The following CLSTN2 variants were observed in gnomAD, a reference collection of about 807,000 sequenced individuals.
CLSTN2 encodes calsyntenin 2.
CLSTN2 carries 48 observed loss-of-function variants against 101.2 expected under a neutral mutation model. The observed-to-expected ratio is 0.47, with a 90% confidence interval of 0.38 to 0.60. The LOEUF (loss-of-function observed/expected upper bound fraction) is 0.60, where lower values mean the gene tolerates loss of function less well. Among genes scored for constraint, CLSTN2 ranks in the 20% least tolerant of loss-of-function variants. The pLI is 0.00. For synonymous variants in CLSTN2, 481 were observed against 463.6 expected, an observed-to-expected ratio of 1.04 and a Z score of -0.48; for missense variants, 1,160 against 1,238.2, an observed-to-expected ratio of 0.94 and a Z score of 0.95.
chr3:139,973,351 G>C (rs1935749397), intron 1 of CLSTN2, among the ~76,000 whole-genome samples: 1 of 152,254 alleles, frequency 6.6e-6, no homozygotes. Context: ...AGGCTTGTTA[G>C]TGACTGGCTC....
intron 8 of CLSTN2, among the ~76,000 whole-genome samples, chr3:140,484,098 T>C (rs1576592792): frequency 6.6e-6 from 1 of 152,252 alleles, no homozygotes; most frequent in Non-Finnish European, 1.5e-5. Flanking sequence ...CAGTGGCTGG[T>C]ACCAGTTGTT....
chr3:139,942,572 G>A (rs971276768), intron 1 of CLSTN2, among the ~76,000 whole-genome samples: 4 of 152,158 alleles, frequency 2.6e-5, no homozygotes, highest in Non-Finnish European at 4.4e-5. Context: ...TGGCAAGGGC[G>A]GGAGGAGATC....
chr3:140,333,714 G>GTGTA (rs527473445), intron 2 of CLSTN2, among the ~76,000 whole-genome samples: 1 of 145,022 alleles, frequency 6.9e-6, no homozygotes, highest in Non-Finnish European at 1.5e-5. Flanking sequence ...GTGTGTGTGT[G>GTGTA]TATCTGAATT....
chr3:140,059,093 G>A (rs553635973), intron 1 of CLSTN2, among the ~76,000 whole-genome samples: 1 of 152,370 alleles, frequency 6.6e-6, no homozygotes, highest in Admixed American at 6.5e-5. Flanking sequence ...CTGGGTTCAA[G>A]CCCCAGTTCC....
At chr3:140,309,594 G>T (rs572285339) in intron 2 of CLSTN2, among the ~76,000 whole-genome samples, 2 of 152,244 alleles carry the variant, frequency 1.3e-5, no homozygotes, top group African/African-American at 4.8e-5. Flanking sequence ...GGTAGGACCT[G>T]TGGATTCCAG....
chr3:140,418,470 T>C (rs1576556382), intron 4 of CLSTN2, among the ~76,000 whole-genome samples: 2 of 151,812 alleles, frequency 1.3e-5, no homozygotes, highest in East Asian at 3.9e-4. Flanking sequence ...CCAGAGAAGA[T>C]AGCAGAATAG....
At chr3:140,043,705 G>A (rs2007808328) in intron 1 of CLSTN2, among the ~76,000 whole-genome samples, 1 of 152,112 alleles carries the variant, frequency 6.6e-6, no homozygotes. Flanking sequence ...TTTTATATAA[G>A]GTGTAAGGAA....
At chr3:140,387,321 T>C (rs368597133) in intron 2 of CLSTN2, among the ~76,000 whole-genome samples, 1 of 152,180 alleles carries the variant, frequency 6.6e-6, no homozygotes, top group Non-Finnish European at 1.5e-5. Context: ...TTCTGGTAGC[T>C]ATAAGAGAGA....
chr3:140,106,676 C>T (rs1057482309), intron 1 of CLSTN2, among the ~76,000 whole-genome samples: 2 of 152,160 alleles, frequency 1.3e-5, no homozygotes, highest in Admixed American at 6.5e-5. Context: ...CCATTCCAGG[C>T]TGGACAGTAT....
chr3:140,079,401 TAGAA>T (rs1471255984), intron 1 of CLSTN2, among the ~76,000 whole-genome samples: 3 of 152,164 alleles, frequency 2.0e-5, no homozygotes, highest in Non-Finnish European at 4.4e-5. Flanking sequence ...TGACAATCTC[TAGAA>T]ATACTCAAGC....
At chr3:140,509,810 G>A (rs927630696) in intron 8 of CLSTN2, among the ~76,000 whole-genome samples, 6 of 152,150 alleles carry the variant, frequency 3.9e-5, no homozygotes, top group African/African-American at 1.2e-4. Context: ...GGGGCTTTGT[G>A]GAATTTGCAA....
intron 1 of CLSTN2, among the ~76,000 whole-genome samples, chr3:140,085,681 A>G (rs764116736): frequency 2.0e-5 from 3 of 151,852 alleles, no homozygotes; most frequent in Non-Finnish European, 4.4e-5. Flanking sequence ...GGCCTGCTCT[A>G]CCTCCTCTGC....
chr3:140,548,937 G>C, intron 10 of CLSTN2, among the ~76,000 whole-genome samples: 1 of 150,388 alleles, frequency 6.6e-6, no homozygotes, highest in East Asian at 1.9e-4. Flanking sequence ...AGGCAAGATT[G>C]ACTTTCCAAA....
At chr3:140,326,814 A>G (rs868305668) in intron 2 of CLSTN2, among the ~76,000 whole-genome samples, 2 of 152,312 alleles carry the variant, frequency 1.3e-5, no homozygotes, top group Middle Eastern at 3.4e-3. Context: ...GACCTGTGTA[A>G]TTCGGTGTGA....
rs186356433 is a variant in CLSTN2 at position 140,071,381 on chromosome 3, G to C, written c.110-104570G>C. 1.2e-4 allele frequency among the ~76,000 whole-genome samples: 18 copies of C among 152,128 alleles called. 1 individual carries two copies. The highest frequency in any genetic ancestry group is 7.2e-4 in the Admixed American group (11 of 15,268). ...AATCCTGTTCAATACCTTTACTTTA[G>C]AGAAGCCAACAGAGACATGAAAAAC... On this transcript the variant is annotated intron_variant, in intron 1 of 16. Coordinates refer to ENST00000458420, the MANE Select transcript of CLSTN2 (RefSeq NM_022131.3).
chr3:140,312,326 G>A (rs1044930875), intron 2 of CLSTN2, among the ~76,000 whole-genome samples: 3 of 152,244 alleles, frequency 2.0e-5, no homozygotes, highest in Admixed American at 6.5e-5. Context: ...CTGATGGCTG[G>A]TTTGAAGAGC....
intron 1 of CLSTN2, among the ~76,000 whole-genome samples, chr3:139,969,826 C>T (rs1216594595): frequency 1.3e-5 from 2 of 152,166 alleles, no homozygotes; most frequent in Non-Finnish European, 2.9e-5. Context: ...GATCTCTCCT[C>T]TCTTAAACCC....
At position 140,532,407 on chromosome 3, in the gene CLSTN2, A is replaced by G. The variant is rs1048475577; in HGVS notation, c.1428A>G (p.Glu476=). ...VTLYMDGATY[E]PYLVTNDWPI... The stretch of plus-strand genomic sequence containing the variant: ...TATACATGGATGGAGCAACATATGA[A>G]CCATACCTGGTGACCAACGACTGGC... The change falls in exon 9 of 17, where the codon GAA becomes GAG. Residue 476 remains glutamate (E), a synonymous_variant. Coordinates refer to ENST00000458420, the MANE Select transcript of CLSTN2 (RefSeq NM_022131.3). 5.0e-6 allele frequency: 8 copies of G among 1,613,946 alleles called. No homozygotes were observed. The highest frequency in any genetic ancestry group is 6.8e-6 in the Non-Finnish European group (8 of 1,179,864).
chr3:140,426,374 A>G (rs2088565094), intron 5 of CLSTN2, among the ~76,000 whole-genome samples: 1 of 152,178 alleles, frequency 6.6e-6, no homozygotes, highest in Admixed American at 6.5e-5. Context: ...GAAAACATAC[A>G]GTGTTTGGTT....
Sources: gnomAD v4.1 joint callset for allele counts (sites outside exome capture counted in the v4.1 genomes callset) on GRCh38, gnomAD v4.1.1 for gene constraint, MANE v1.5 for transcripts, NCBI Gene and HGNC (gene_info 2026-07-23, HGNC 2026-07-21) for gene names.